KIAA1549L: variants seen among roughly 807,000 people sequenced by gnomAD.
The protein encoded by KIAA1549L is KIAA1549 like.
A neutral mutation model predicts 160.7 loss-of-function variants in KIAA1549L; 88 were observed. That is an observed-to-expected ratio of 0.55 (90% CI 0.46 to 0.65). The LOEUF (loss-of-function observed/expected upper bound fraction) is 0.65, where lower values mean the gene tolerates loss of function less well. Ranked by LOEUF, KIAA1549L falls within the 30% of genes least tolerant of loss-of-function variation. KIAA1549L has a pLI of 0.00. For missense variants in KIAA1549L, 2,258 were observed against 2,437.5 expected (o/e 0.93, Z 1.55); for synonymous variants, 950 against 976.7 (o/e 0.97, Z 0.51).
In KIAA1549L at chr11:33,620,293, G is replaced by A. The variant is rs1244965980; in HGVS notation, c.5409+1631G>A. ...CCAAGTACATGTTACTTTAGGGGAA[G>A]CCTGCTTTATTCTAATAGACTTCTT... On this transcript the variant is annotated intron_variant, in intron 16 of 20. Transcript: ENST00000658780. 3.9e-5 allele frequency among the ~76,000 whole-genome samples: 6 copies of A among 152,162 alleles called. No individual in the cohort carries two copies. In the East Asian group the frequency reaches 1.2e-3, roughly 29 times the overall value.
intron 13 of KIAA1549L, among the ~76,000 whole-genome samples, chr11:33,600,865 G>A (rs890686639): frequency 1.3e-5 from 2 of 152,116 alleles, no homozygotes; most frequent in East Asian, 3.9e-4. Flanking sequence ...CATTTGCAAA[G>A]TGATGTCTTT....
At chr11:33,667,814 G>GTGACT in intron 20 of KIAA1549L, 59 bp from the exon 21 acceptor site, 3 of 1,473,018 alleles carry the variant, frequency 2.0e-6, no homozygotes, top group Non-Finnish European at 2.8e-6. Context: ...AGTGTGTCCT[G>GTGACT]TGACTTGAGC....
intron 1 of KIAA1549L, among the ~76,000 whole-genome samples, chr11:33,406,229 A>G (rs1850649282): frequency 6.6e-6 from 1 of 152,216 alleles, no homozygotes; most frequent in South Asian, 2.1e-4. Context: ...GAAGAGGGAA[A>G]AAAATTAATC....
intron 15 of KIAA1549L, among the ~76,000 whole-genome samples, chr11:33,613,612 G>T (rs780181495): frequency 5.9e-5 from 9 of 152,008 alleles, no homozygotes; most frequent in Non-Finnish European, 1.2e-4. Flanking sequence ...CATTGTCACA[G>T]GGACAGCACC....
intron 14 of KIAA1549L, among the ~76,000 whole-genome samples, chr11:33,608,076 C>G (rs1850554987): frequency 6.6e-6 from 1 of 152,104 alleles, no homozygotes; most frequent in Admixed American, 6.6e-5. Flanking sequence ...CTACAGCCTA[C>G]CAGAGAATAA....
chr11:33,533,565 C>A lies in KIAA1549L; in HGVS notation c.239-8237C>A, dbSNP rs79758824. On this transcript the variant is annotated intron_variant, in intron 1 of 20. Transcript: ENST00000658780. ...CTTACCCTGCATGTGCATACATGCA[C>A]GTGATCCTAATTTGTGGAAGTTATT... is the stretch of plus-strand genomic sequence containing the variant. 4.4e-3 allele frequency among the ~76,000 whole-genome samples: 663 copies of A among 152,294 alleles called. 3 individuals carry two copies. The highest frequency in any genetic ancestry group is 0.014 in the African/African-American group (598 of 41,556).
chr11:33,432,873 T>C (rs2615900), intron 1 of KIAA1549L, among the ~76,000 whole-genome samples: 97,423 of 152,098 alleles, frequency 0.64, 31,770 homozygotes, highest in African/African-American at 0.74. Flanking sequence ...GGAAAACTGG[T>C]TAGCCATATG....
intron 1 of KIAA1549L, among the ~76,000 whole-genome samples, chr11:33,519,585 A>C (rs991099353): frequency 6.6e-6 from 1 of 152,204 alleles, no homozygotes; most frequent in African/African-American, 2.4e-5. Context: ...GAGGGTAGGT[A>C]GTAGTTTATG....
chr11:33,534,161 C>A (rs1158624327), intron 1 of KIAA1549L, among the ~76,000 whole-genome samples: 1 of 152,070 alleles, frequency 6.6e-6, no homozygotes, highest in East Asian at 1.9e-4. Flanking sequence ...TGGCTCACTG[C>A]AACGTCTGCC....
In KIAA1549L at chr11:33,535,919, T is replaced by C. The variant is rs188782784; in HGVS notation, c.239-5883T>C. Among the ~76,000 whole-genome samples the C allele has an allele frequency of 3.3e-5, 5 of 152,354 alleles. No individual in the cohort carries two copies. The East Asian group carries it at 9.6e-4, about 29-fold the overall frequency. On this transcript the variant is annotated intron_variant, in intron 1 of 20. Transcript: ENST00000658780. ...CTCCCTAATAAACATCAGCTATCTC[T>C]CATTTCCTCCTCAAAATTTGTGTTT...
intron 9 of KIAA1549L, among the ~76,000 whole-genome samples, chr11:33,568,906 A>G (rs936936990): frequency 6.6e-6 from 1 of 152,208 alleles, no homozygotes; most frequent in Non-Finnish European, 1.5e-5. Context: ...CCTGAGAATT[A>G]CCAGTATTAT....
intron 19 of KIAA1549L, among the ~76,000 whole-genome samples, chr11:33,659,307 G>A (rs1477657497): frequency 6.6e-6 from 1 of 152,204 alleles, no homozygotes; most frequent in Admixed American, 6.5e-5. Context: ...ATATATTAAT[G>A]TTTAATGTAT....
chr11:33,638,055 C>T (rs778355005), intron 16 of KIAA1549L, among the ~76,000 whole-genome samples: 1 of 152,182 alleles, frequency 6.6e-6, no homozygotes, highest in African/African-American at 2.4e-5. Context: ...AGAAGCTTTC[C>T]CTGACCATCC....
At chr11:33,627,163 A>T in intron 16 of KIAA1549L, among the ~76,000 whole-genome samples, 1 of 103,928 alleles carries the variant, frequency 9.6e-6, no homozygotes, top group African/African-American at 4.1e-5. Flanking sequence ...GTTTGCCAGT[A>T]TTTTATTGAG....
chr11:33,396,337 AAG>A (rs529732079), intron 1 of KIAA1549L, among the ~76,000 whole-genome samples: 230 of 152,340 alleles, frequency 1.5e-3, no homozygotes, highest in African/African-American at 5.4e-3. Context: ...TATCCATGAG[AAG>A]ATTGAAAACT....
intron 1 of KIAA1549L, among the ~76,000 whole-genome samples, chr11:33,397,863 TTTG>T (rs927750454): frequency 2.7e-5 from 3 of 110,520 alleles, no homozygotes; most frequent in Non-Finnish European, 4.6e-5. Context: ...TTTTTGTTTA[TTTG>T]TTTTTTTTAA....
In KIAA1549L at chr11:33,591,321, G is replaced by A. The variant is rs143776714; in HGVS notation, c.4651G>A (p.Val1551Met). ...GGTCATCCCTGTGACTCAGGAGACA[G>A]TGGTTCTCCCACTGCCCATTAGAGA... ...EEVIPVTQET[V>M]VLPLPIRDAP... Residue 1551 changes from valine (V) to methionine (M), a missense_variant, in exon 12 of 21, where the codon GTG (valine) becomes ATG (methionine). Val to Met is a conservative substitution (Grantham distance 21). This residue lies in a region of KIAA1549L where 1,359 missense variants were observed against 1,546.6 expected (regional missense o/e 0.88). Transcript: ENST00000658780. The A allele has an allele frequency of 6.2e-7, 1 of 1,613,640 alleles. No individual in the cohort carries two copies. Among genetic ancestry groups the A allele is most frequent in the Non-Finnish European group, 8.5e-7 (1 of 1,179,578 alleles).
chr11:33,435,804 ATATATATGTG>A (rs1851356758), intron 1 of KIAA1549L, among the ~76,000 whole-genome samples: 2 of 17,134 alleles, frequency 1.2e-4, no homozygotes, highest in African/African-American at 6.5e-4. Flanking sequence ...ATATATATAT[ATATATATGTG>A]TGTGTATATA....
At chr11:33,481,861 G>A (rs1024580178) in intron 1 of KIAA1549L, among the ~76,000 whole-genome samples, 2 of 152,166 alleles carry the variant, frequency 1.3e-5, no homozygotes, top group East Asian at 1.9e-4. Flanking sequence ...CCACCTGAAC[G>A]AGGATTATGC....
Sources: gnomAD v4.1 joint callset for allele counts (sites outside exome capture counted in the v4.1 genomes callset) on GRCh38, gnomAD v4.1.1 for gene constraint, gnomAD v4.1.1 regional missense constraint, MANE v1.5 for transcripts, NCBI Gene and HGNC (gene_info 2026-07-23, HGNC 2026-07-21) for gene names.